The following N4BP1 variants were observed in gnomAD, a reference collection of about 807,000 sequenced individuals.
N4BP1 encodes the protein NEDD4-binding protein 1.
Under a neutral mutation model 70.9 loss-of-function variants are expected in N4BP1, and 21 were observed. That is an observed-to-expected ratio of 0.30 (90% CI 0.21 to 0.43). The LOEUF (loss-of-function observed/expected upper bound fraction) is 0.43, where lower values mean the gene tolerates loss of function less well. Ranked by LOEUF, N4BP1 falls within the 20% of genes least tolerant of loss-of-function variation. N4BP1 has a pLI of 1.00. For synonymous variants in N4BP1, 387 were observed against 394.6 expected, an observed-to-expected ratio of 0.98 and a Z score of 0.23; for missense variants, 936 against 1,069.4, an observed-to-expected ratio of 0.88 and a Z score of 1.74.
chr16:48,561,564 G>C lies in N4BP1; in HGVS notation c.1079C>G (p.Ser360Cys). ...AATGACCTTTTCAACAATTTCTTGG[G>C]AGTAGCCCATGGTTTTAAAAAAGTT... ...LVNFFKTMGY[S>C]QEIVEKVIKV... Residue 360 changes from serine to cysteine, a missense_variant, in exon 2 of 7, where the codon TCC becomes TGC. Ser to Cys is a moderately radical substitution (Grantham distance 112). This residue lies in a region of N4BP1 where 515 missense variants were observed against 491.7 expected (regional missense o/e 1.05). Transcript: ENST00000262384. The C allele has an allele frequency of 6.2e-7, 1 of 1,613,820 alleles. No homozygotes were observed. Among genetic ancestry groups the C allele is most frequent in the South Asian group, 1.1e-5 (1 of 91,064 alleles).
At chr16:48,583,923 G>A (rs753040044) in intron 1 of N4BP1, among the ~76,000 whole-genome samples, 24 of 152,290 alleles carry the variant, frequency 1.6e-4, no homozygotes, top group Non-Finnish European at 2.6e-4. Flanking sequence ...TCTCATTTTG[G>A]CTCCCAGAGT....
At position 48,543,041 on chromosome 16, in the gene N4BP1, CAGA is replaced by C. The variant is rs772226762; in HGVS notation, c.2551_2553del (p.Ser851del). The C allele has an allele frequency of 3.1e-6, 5 of 1,613,910 alleles. No individual in the cohort carries two copies. Among genetic ancestry groups the C allele is most frequent in the Non-Finnish European group, 4.2e-6 (5 of 1,179,900 alleles). ...GCTTCCCTCAGCTCGTTGGTTTCTG[CAGA>C]AGATCTCTGAGCTGGCATGGGCAGG... On this transcript the variant is annotated inframe_deletion, in exon 7 of 7. Coordinates refer to ENST00000262384, the MANE Select transcript of N4BP1 (RefSeq NM_153029.4).
chr16:48,567,596 G>A (rs1005617520), intron 1 of N4BP1, among the ~76,000 whole-genome samples: 2 of 152,126 alleles, frequency 1.3e-5, no homozygotes, highest in Non-Finnish European at 2.9e-5. Flanking sequence ...TGGGATTACA[G>A]GTGAGAGCCA....
intron 1 of N4BP1, among the ~76,000 whole-genome samples, chr16:48,570,057 T>G (rs1221619072): frequency 6.6e-6 from 1 of 150,634 alleles, no homozygotes; most frequent in African/African-American, 2.4e-5. Context: ...CAACTCCAAT[T>G]AGAGAGAAAG....
rs1963854333 is a variant in N4BP1 at position 48,561,417 on chromosome 16, G to T, written c.1226C>A (p.Thr409Asn). The T allele has an allele frequency of 1.2e-6, 2 of 1,613,816 alleles. No individual in the cohort carries two copies. Among genetic ancestry groups the T allele is most frequent in the Non-Finnish European group, 1.7e-6 (2 of 1,179,842 alleles). The stretch of plus-strand genomic sequence containing the variant: ...GCTGCTATAAACACCTTTATTTTTG[G>T]TTTTGTTGGTCTCTGGATACACTGT... ...AGTVYPETNKTKNKGVYSSTN... is the reference protein window; with the variant it reads ...AGTVYPETNKNKNKGVYSSTN... The change falls in exon 2 of 7, where the codon ACC becomes AAC. Residue 409 changes from threonine to asparagine, a missense_variant. Transcript: ENST00000262384.
At position 48,607,249 on chromosome 16, in the gene N4BP1, AG is replaced by A. The variant is rs112871754; in HGVS notation, c.198+2525del. Among the ~76,000 whole-genome samples, 350 of 152,332 alleles carry A rather than the reference AG, an allele frequency of 2.3e-3. 2 individuals carry two copies. Among genetic ancestry groups the A allele is most frequent in the African/African-American group, 8.1e-3 (337 of 41,574 alleles). On this transcript the variant is annotated intron_variant, in intron 1 of 6. Coordinates refer to ENST00000262384, the MANE Select transcript of N4BP1 (RefSeq NM_153029.4). The stretch of plus-strand genomic sequence containing the variant: ...AAAACAGGCATTGGGCAGGTCTGGC[AG>A]GACCAGCAGGGCTCTTCTGCATAGC...
chr16:48,556,002 A>G (rs770283263), intron 2 of N4BP1, among the ~76,000 whole-genome samples: 12 of 152,188 alleles, frequency 7.9e-5, no homozygotes, highest in South Asian at 2.1e-4. Context: ...ACCCAGTTCA[A>G]TTCCACTGGG....
At chr16:48,587,364 T>G (rs1221996659) in intron 1 of N4BP1, 1 of 152,200 alleles carries the variant, frequency 6.6e-6, no homozygotes, top group Non-Finnish European at 1.5e-5. Flanking sequence ...TGGAACACAA[T>G]GTAATGACTG....
intron 1 of N4BP1, among the ~76,000 whole-genome samples, chr16:48,581,703 C>T (rs868403957): frequency 6.6e-6 from 1 of 152,118 alleles, no homozygotes; most frequent in Middle Eastern, 3.4e-3. Context: ...GGAATGATAT[C>T]CCAGGACAAT....
intron 1 of N4BP1, among the ~76,000 whole-genome samples, chr16:48,570,129 G>A (rs1963994796): frequency 1.3e-5 from 2 of 151,262 alleles, no homozygotes; most frequent in African/African-American, 4.9e-5. Flanking sequence ...GATTACTTGG[G>A]GCTGGGTTAC....
At position 48,542,864 on chromosome 16, in the gene N4BP1, C is replaced by T; in HGVS notation, c.*40G>A. On this transcript the variant is annotated 3_prime_UTR_variant, in exon 7 of 7. Coordinates refer to ENST00000262384, the MANE Select transcript of N4BP1 (RefSeq NM_153029.4). ...GTACAGGTGTGAGCTTGAGTTTGATCAGCCAGCCCTGAGCGCAAGCTCAGC... is the reference window on the plus strand; with the variant it reads ...GTACAGGTGTGAGCTTGAGTTTGATTAGCCAGCCCTGAGCGCAAGCTCAGC... The T allele has an allele frequency of 4.6e-6, 7 of 1,520,876 alleles. No individual in the cohort carries two copies. The highest frequency in any genetic ancestry group is 6.3e-6 in the Non-Finnish European group (7 of 1,119,804). The allele number at this position is 1,520,876 out of a possible 1,614,324, so 94.2% of individuals were successfully genotyped here. A position where few individuals can be genotyped will look rare whatever the true frequency, so the allele number is the denominator to read the frequency against.
At chr16:48,593,527 CTAAAGT>C (rs748238386) in intron 1 of N4BP1, among the ~76,000 whole-genome samples, 8 of 152,234 alleles carry the variant, frequency 5.3e-5, no homozygotes, top group Middle Eastern at 3.4e-3. Context: ...AACATATTGG[CTAAAGT>C]TAAAGAGGTA....
At chr16:48,600,409 G>A in intron 1 of N4BP1, 1 of 676,710 alleles carries the variant, frequency 1.5e-6, no homozygotes, top group South Asian at 1.4e-5. Flanking sequence ...AAATACCAGT[G>A]AGAGCTATGG....
intron 1 of N4BP1, among the ~76,000 whole-genome samples, chr16:48,602,117 A>G (rs1322373882): frequency 6.6e-6 from 1 of 152,122 alleles, no homozygotes; most frequent in African/African-American, 2.4e-5. Flanking sequence ...CCAACTAACC[A>G]GGAGTCTGAG....
At chr16:48,553,286 C>T (rs771695553) in intron 3 of N4BP1, among the ~76,000 whole-genome samples, 4 of 152,122 alleles carry the variant, frequency 2.6e-5, no homozygotes, top group Non-Finnish European at 4.4e-5. Context: ...AAAAAGAAAA[C>T]GTGATATATA....
At position 48,561,567 on chromosome 16, in the gene N4BP1, T is replaced by G; in HGVS notation, c.1076A>C (p.Tyr359Ser). ...ILVNFFKTMGYSQEIVEKVIK... is the reference protein window; with the variant it reads ...ILVNFFKTMGSSQEIVEKVIK... ...GACCTTTTCAACAATTTCTTGGGAG[T>G]AGCCCATGGTTTTAAAAAAGTTTAC... The change falls in exon 2 of 7, where the codon TAC becomes TCC. Residue 359 changes from tyrosine to serine, a missense_variant. This residue lies in a region of N4BP1 where 515 missense variants were observed against 491.7 expected (regional missense o/e 1.05). Transcript: ENST00000262384. 6.2e-7 allele frequency: 1 copy of G among 1,613,878 alleles called. No homozygotes were observed. Among genetic ancestry groups the G allele is most frequent in the Non-Finnish European group, 8.5e-7 (1 of 1,179,870 alleles).
chr16:48,572,730 G>T (rs574862931), intron 1 of N4BP1, among the ~76,000 whole-genome samples: 3 of 152,264 alleles, frequency 2.0e-5, no homozygotes, highest in South Asian at 2.1e-4. Context: ...TTTTAGAGTT[G>T]TTCTCCTCAA....
chr16:48,552,713 A>G lies in N4BP1; in HGVS notation c.2020+826T>C, dbSNP rs1373686459. On this transcript the variant is annotated intron_variant, in intron 3 of 6. Coordinates refer to ENST00000262384, the MANE Select transcript of N4BP1 (RefSeq NM_153029.4). Reference sequence around the variant, plus strand: ...ACTCCGTCTCAGAAAAAAAAAAAAAAAAAAAAAAAAAAAAAAAAAAAAAAA... The same window carrying G: ...ACTCCGTCTCAGAAAAAAAAAAAAAGAAAAAAAAAAAAAAAAAAAAAAAAA... Among the ~76,000 whole-genome samples, 867 of 120,364 alleles carry G rather than the reference A, an allele frequency of 7.2e-3. 33 individuals are homozygous for G. The highest frequency in any genetic ancestry group is 0.031 in the African/African-American group (827 of 26,726). 79.0% of individuals were successfully genotyped at this position (120,364 alleles called of 152,430 possible).
intron 2 of N4BP1, among the ~76,000 whole-genome samples, chr16:48,554,703 T>C (rs3785138): frequency 0.61 from 92,498 of 152,108 alleles, 30,523 homozygotes; most frequent in East Asian, 0.9. Context: ...CTTCTCTCCA[T>C]GTCTAATGCT....
Sources: gnomAD v4.1 joint callset for allele counts (sites outside exome capture counted in the v4.1 genomes callset) on GRCh38, gnomAD v4.1.1 for gene constraint, gnomAD v4.1.1 regional missense constraint, MANE v1.5 for transcripts, NCBI Gene and HGNC (gene_info 2026-07-23, HGNC 2026-07-21) for gene names.